TANGO6: variants seen among roughly 807,000 people sequenced by gnomAD.
The protein encoded by TANGO6 is transport and Golgi organization protein 6 homolog.
A neutral mutation model predicts 114.2 loss-of-function variants in TANGO6; 90 were observed. The observed-to-expected ratio is 0.79, with a 90% CI of 0.66 to 0.94. TANGO6 has a LOEUF of 0.94. Among genes scored for constraint, TANGO6 ranks in the 40% least tolerant of loss-of-function variants. The probability of loss-of-function intolerance (pLI) is 0.00; values close to 1 mark genes in which losing one functional copy is unlikely to be tolerated. For missense variants in TANGO6, 1,274 were observed against 1,315.3 expected (o/e 0.97, Z 0.49); for synonymous variants, 477 against 509.8 (o/e 0.94, Z 0.87).
At chr16:69,039,311 G>A (rs866909128) in intron 16 of TANGO6, among the ~76,000 whole-genome samples, 17 of 148,756 alleles carry the variant, frequency 1.1e-4, no homozygotes, top group Admixed American at 5.4e-4. Context: ...CTGGGCAACA[G>A]AGCGAGACTC....
chr16:69,062,830 T>A (rs1269981761), intron 17 of TANGO6, among the ~76,000 whole-genome samples: 2 of 142,014 alleles, frequency 1.4e-5, no homozygotes, highest in South Asian at 2.4e-4. Context: ...GCGCAGTGCC[T>A]CATGCCTGTA....
chr16:69,011,655 G>A (rs1324842446), intron 15 of TANGO6, among the ~76,000 whole-genome samples: 4 of 151,804 alleles, frequency 2.6e-5, no homozygotes, highest in Admixed American at 6.6e-5. Flanking sequence ...ACAAGCTTTC[G>A]CCATATTGCC....
At chr16:68,868,492 A>ATTTTTTTTT (rs765054621) in intron 4 of TANGO6, among the ~76,000 whole-genome samples, 16 of 93,676 alleles carry the variant, frequency 1.7e-4, no homozygotes, top group Non-Finnish European at 2.9e-4. Context: ...CTATATTTCT[A>ATTTTTTTTT]TTTTTTTTTT....
At chr16:68,930,688 T>G (rs1963228308) in intron 14 of TANGO6, among the ~76,000 whole-genome samples, 2 of 147,398 alleles carry the variant, frequency 1.4e-5, no homozygotes, top group Non-Finnish European at 3.0e-5. Flanking sequence ...CAGGCTGGAG[T>G]GCGGTGGTGT....
chr16:68,947,587 CTT>C (rs1231636901), intron 14 of TANGO6, among the ~76,000 whole-genome samples: 8 of 118,456 alleles, frequency 6.8e-5, no homozygotes, highest in African/African-American at 2.1e-4. Context: ...TAACCCATCT[CTT>C]TTTTTTTTTT....
At chr16:69,076,555 C>A (rs569729824) in intron 17 of TANGO6, among the ~76,000 whole-genome samples, 1 of 152,136 alleles carries the variant, frequency 6.6e-6, no homozygotes. Context: ...AAGATGCAGT[C>A]GGGTTCCATG....
intron 12 of TANGO6, among the ~76,000 whole-genome samples, chr16:68,925,042 G>A (rs904298528): frequency 2.0e-5 from 3 of 152,060 alleles, no homozygotes; most frequent in African/African-American, 7.2e-5. Flanking sequence ...CTGGTGTGGT[G>A]GCTCACGCCT....
intron 15 of TANGO6, among the ~76,000 whole-genome samples, chr16:69,003,813 AT>A (rs1202086079): frequency 5.9e-5 from 9 of 152,100 alleles, no homozygotes; most frequent in African/African-American, 1.9e-4. Context: ...TAGGACAAGA[AT>A]TTACCATACA....
At chr16:69,021,618 G>A (rs1173305946) in intron 15 of TANGO6, among the ~76,000 whole-genome samples, 2 of 152,012 alleles carry the variant, frequency 1.3e-5, no homozygotes, top group East Asian at 1.9e-4. Context: ...TAGGCCTCTC[G>A]TTAAATATTT....
chr16:68,910,922 C>T (rs1962914157), intron 11 of TANGO6, among the ~76,000 whole-genome samples: 1 of 152,116 alleles, frequency 6.6e-6, no homozygotes, highest in Admixed American at 6.5e-5. Context: ...GGTGATCCAC[C>T]CACCTTGGCC....
At chr16:68,951,480 A>G (rs1461982444) in intron 14 of TANGO6, among the ~76,000 whole-genome samples, 1 of 152,186 alleles carries the variant, frequency 6.6e-6, no homozygotes, top group Non-Finnish European at 1.5e-5. Context: ...TAAGAGGCCA[A>G]CTGCTTGGCC....
At chr16:68,909,163 A>G (rs1257863748) in intron 10 of TANGO6, 48 bp from the exon 11 acceptor site, 8 of 1,347,364 alleles carry the variant, frequency 5.9e-6, no homozygotes, top group East Asian at 2.8e-5. Flanking sequence ...AGAAGGCCTT[A>G]GTTGTACTGG....
intron 15 of TANGO6, among the ~76,000 whole-genome samples, chr16:68,974,432 C>A (rs1383475281): frequency 6.6e-6 from 1 of 152,100 alleles, no homozygotes; most frequent in Non-Finnish European, 1.5e-5. Flanking sequence ...GAGGCCGAGG[C>A]AGGTGGATCA....
intron 17 of TANGO6, among the ~76,000 whole-genome samples, chr16:69,081,954 C>T (rs889418340): frequency 6.6e-6 from 1 of 151,920 alleles, no homozygotes. Flanking sequence ...CAGCCTCGCC[C>T]TCTGAGTAGC....
At chr16:69,048,913 G>A (rs1959902903) in intron 17 of TANGO6, among the ~76,000 whole-genome samples, 1 of 152,106 alleles carries the variant, frequency 6.6e-6, no homozygotes, top group Non-Finnish European at 1.5e-5. Context: ...GCTGAGGGAA[G>A]CTGATGAACA....
chr16:68,863,355 C>T (rs1299750904), intron 3 of TANGO6, among the ~76,000 whole-genome samples: 3 of 152,138 alleles, frequency 2.0e-5, no homozygotes, highest in Non-Finnish European at 4.4e-5. Context: ...CGCCTGTAAT[C>T]CCAGCACTTT....
At chr16:68,968,796 G>A (rs986955929) in intron 14 of TANGO6, among the ~76,000 whole-genome samples, 3 of 150,034 alleles carry the variant, frequency 2.0e-5, no homozygotes, top group Non-Finnish European at 4.4e-5. Context: ...TCAGCCTCCC[G>A]AGTAGCTGGG....
chr16:68,983,989 C>T (rs953934490), intron 15 of TANGO6, among the ~76,000 whole-genome samples: 16 of 150,522 alleles, frequency 1.1e-4, no homozygotes, highest in Non-Finnish European at 1.5e-4. Context: ...GCCGAGATCA[C>T]GCCACTGCTC....
intron 3 of TANGO6, among the ~76,000 whole-genome samples, chr16:68,863,963 C>T (rs1040563078): frequency 1.3e-5 from 2 of 151,656 alleles, no homozygotes; most frequent in South Asian, 2.1e-4. Flanking sequence ...TCACCTCAGG[C>T]CAGGAGTTCG....
Sources: gnomAD v4.1 joint callset for allele counts (sites outside exome capture counted in the v4.1 genomes callset) on GRCh38, gnomAD v4.1.1 for gene constraint, MANE v1.5 for transcripts, NCBI Gene and HGNC (gene_info 2026-07-23, HGNC 2026-07-21) for gene names.